The following COL22A1 variants were observed in gnomAD, a reference collection of about 807,000 sequenced individuals.
COL22A1 encodes collagen type XXII alpha 1 chain, also known as collagen alpha-1(XXII) chain.
In COL22A1, 221 loss-of-function variants were observed where a neutral mutation model predicts 248.9. That is an observed-to-expected ratio of 0.89 (90% CI 0.80 to 0.99). COL22A1 has a LOEUF of 0.99. Ranked by LOEUF, COL22A1 falls within the 50% of genes least tolerant of loss-of-function variation. COL22A1 has a pLI of 0.00. For missense variants in COL22A1, 2,240 were observed against 2,179.0 expected, an observed-to-expected ratio of 1.03 and a Z score of -0.56; for synonymous variants, 891 against 793.4, an observed-to-expected ratio of 1.12 and a Z score of -2.07.
chr8:138,800,351 T>C (rs1054277442), intron 11 of COL22A1, among the ~76,000 whole-genome samples: 15 of 152,328 alleles, frequency 9.8e-5, no homozygotes, highest in Admixed American at 9.1e-4. Flanking sequence ...CTGCCAAGAA[T>C]TTAGGCTCTG....
chr8:138,644,837 T>C (rs1822052037), intron 47 of COL22A1, among the ~76,000 whole-genome samples: 1 of 152,154 alleles, frequency 6.6e-6, no homozygotes, highest in Non-Finnish European at 1.5e-5. Flanking sequence ...TACCCTTCCC[T>C]TGAGGCACTT....
At chr8:138,806,220 G>C (rs1472133493) in intron 10 of COL22A1, among the ~76,000 whole-genome samples, 3 of 127,384 alleles carry the variant, frequency 2.4e-5, no homozygotes, top group African/African-American at 8.7e-5. Context: ...GTGTATGTGT[G>C]ATGGGGTATG....
chr8:138,854,345 C>G (rs1442098326), intron 3 of COL22A1, among the ~76,000 whole-genome samples: 4 of 152,198 alleles, frequency 2.6e-5, no homozygotes, highest in Non-Finnish European at 5.9e-5. Context: ...AGCCTCTGCC[C>G]TCCTGAAGCC....
At chr8:138,617,044 C>G in intron 53 of COL22A1, 86 bp from the exon 54 acceptor site, 1 of 1,360,596 alleles carries the variant, frequency 7.3e-7, no homozygotes, top group Non-Finnish European at 1.1e-6. Flanking sequence ...CCGGCTTTGA[C>G]CCACGTTGCC....
rs531336888 is a variant in COL22A1 at position 138,898,188 on chromosome 8, G to A, written c.-72-14944C>T. Among the ~76,000 whole-genome samples, 5 of 152,250 alleles carry A rather than the reference G, an allele frequency of 3.3e-5. No homozygotes were observed. In the South Asian group the frequency reaches 1.0e-3, roughly 32 times the overall value. ...GGACACATTCAGTCTACAGCAGATA[G>A]GAATCAAGTTAAAGAACAGAACTGC... is the stretch of plus-strand genomic sequence containing the variant. On this transcript the variant is annotated intron_variant, in intron 1 of 64. Coordinates refer to ENST00000303045, the MANE Select transcript of COL22A1 (RefSeq NM_152888.3).
intron 47 of COL22A1, among the ~76,000 whole-genome samples, chr8:138,642,855 C>A (rs1159981089): frequency 6.6e-6 from 1 of 152,022 alleles, no homozygotes; most frequent in Non-Finnish European, 1.5e-5. Flanking sequence ...ATGGTGAAAC[C>A]CCATCTCTAC....
At position 138,786,631 on chromosome 8, in the gene COL22A1, C is replaced by T. The variant is rs143768888; in HGVS notation, c.1597-5651G>A. Among the ~76,000 whole-genome samples, 381 of 152,270 alleles carry T rather than the reference C, an allele frequency of 2.5e-3. 5 individuals are homozygous for T. Among genetic ancestry groups the T allele is most frequent in the African/African-American group, 8.7e-3 (363 of 41,568 alleles). On this transcript the variant is annotated intron_variant, in intron 12 of 64. Coordinates refer to ENST00000303045, the MANE Select transcript of COL22A1 (RefSeq NM_152888.3). ...TTTGAAATGAGAAAGTTAGGCTGGG[C>T]ACAGTGGCTCACGCTTGTAATCCCA...
chr8:138,900,344 G>A (rs887921134), intron 1 of COL22A1, among the ~76,000 whole-genome samples: 52 of 152,168 alleles, frequency 3.4e-4, no homozygotes, highest in African/African-American at 1.2e-3. Context: ...TTTGCCTCCT[G>A]TCCACTCAGA....
Position 138,821,381 on chromosome 8 carries a change from C to T in COL22A1, c.1000G>A (p.Ala334Thr), listed in dbSNP as rs141117761. 72 of 1,613,738 alleles carry T rather than the reference C, an allele frequency of 4.5e-5. No homozygotes were observed. Among genetic ancestry groups the T allele is most frequent in the East Asian group, 2.7e-4 (12 of 44,852 alleles). ...GCACCCACAGCGTTGTACTCGACTGCCTTGTTTTCACCATCCAGCCGGATG... is the reference window on the plus strand; with the variant it reads ...GCACCCACAGCGTTGTACTCGACTGTCTTGTTTTCACCATCCAGCCGGATG... Reference protein sequence around the residue: ...VSIRLDGENKAVEYNAVGAMK... With the variant: ...VSIRLDGENKTVEYNAVGAMK... Residue 334 changes from alanine to threonine, a missense_variant, in exon 7 of 65, where the codon GCA (alanine) becomes ACA (threonine). Coordinates refer to ENST00000303045, the MANE Select transcript of COL22A1 (RefSeq NM_152888.3).
intron 45 of COL22A1, 48 bp from the exon 46 acceptor site, chr8:138,649,826 T>C (rs1822539400): frequency 8.1e-7 from 1 of 1,227,920 alleles, no homozygotes; most frequent in South Asian, 1.5e-5. Context: ...AACTAGCAAA[T>C]ACAGTTTCAA....
At chr8:138,736,027 C>T (rs927886972) in intron 23 of COL22A1, among the ~76,000 whole-genome samples, 4 of 152,100 alleles carry the variant, frequency 2.6e-5, no homozygotes, top group African/African-American at 4.8e-5. Flanking sequence ...TGACTTGTGC[C>T]CACCTGCTTG....
chr8:138,676,593 G>A lies in COL22A1; in HGVS notation c.3115C>T (p.Arg1039Cys), dbSNP rs138965074. The A allele has an allele frequency of 2.1e-4, 322 of 1,568,896 alleles. No homozygotes were observed. In the African/African-American group the frequency reaches 3.6e-3, roughly 17 times the overall value. Residue 1039 changes from arginine (R) to cysteine (C), a missense_variant, in exon 41 of 65, where the codon CGT (arginine) becomes TGT (cysteine). By Grantham distance (180) the Arg-to-Cys change is radical. Coordinates refer to ENST00000303045, the MANE Select transcript of COL22A1 (RefSeq NM_152888.3). The part of the protein sequence containing the change: ...APGIPGSPGS[R>C]GDPGIGVAGP... ...GCAACCCCAATGCCTGGGTCACCAC[G>A]GCTGCCAGGAGAACCAGGGATCCCA...
At chr8:138,666,316 G>A (rs1358676663) in intron 41 of COL22A1, among the ~76,000 whole-genome samples, 3 of 152,124 alleles carry the variant, frequency 2.0e-5, no homozygotes, top group Non-Finnish European at 4.4e-5. Context: ...AAACAAAGGG[G>A]ACTTCCAGCT....
At chr8:138,762,593 C>CA in intron 16 of COL22A1, 127 bp from the exon 17 acceptor site, 1 of 633,736 alleles carries the variant, frequency 1.6e-6, no homozygotes, top group Non-Finnish European at 2.8e-6. Context: ...CACGTGCACA[C>CA]ACACACACAC....
intron 3 of COL22A1, among the ~76,000 whole-genome samples, chr8:138,861,613 G>T (rs980701841): frequency 5.9e-5 from 9 of 152,156 alleles, no homozygotes; most frequent in African/African-American, 2.2e-4. Flanking sequence ...TTGCTGCTTT[G>T]GGGTTGGACC....
At chr8:138,696,015 C>T (rs1037624288) in intron 32 of COL22A1, among the ~76,000 whole-genome samples, 3 of 152,222 alleles carry the variant, frequency 2.0e-5, no homozygotes, top group East Asian at 3.9e-4. Flanking sequence ...GTTACCCATA[C>T]GGACCCCATA....
At chr8:138,700,829 C>CA (rs1827899837) in intron 31 of COL22A1, among the ~76,000 whole-genome samples, 1 of 151,994 alleles carries the variant, frequency 6.6e-6, no homozygotes, top group Non-Finnish European at 1.5e-5. Flanking sequence ...CTAAAAAATA[C>CA]AAAAAATTAG....
chr8:138,909,375 C>CT (rs57916926), intron 1 of COL22A1, among the ~76,000 whole-genome samples: 3,020 of 142,600 alleles, frequency 0.021, 95 homozygotes, highest in African/African-American at 0.066. Flanking sequence ...GCTGACTTGC[C>CT]TTTTTTTTTT....
At chr8:138,716,467 G>A (rs1829439564) in intron 28 of COL22A1, among the ~76,000 whole-genome samples, 178 bp from the exon 29 acceptor site, 1 of 152,082 alleles carries the variant, frequency 6.6e-6, no homozygotes, top group East Asian at 1.9e-4. Flanking sequence ...CGTTCACTAG[G>A]GCATCCCCAA....
Sources: allele counts gnomAD v4.1 joint callset (sites outside exome capture counted in the v4.1 genomes callset), GRCh38; gene constraint gnomAD v4.1.1; transcripts MANE v1.5; gene names NCBI Gene and HGNC (gene_info 2026-07-23, HGNC 2026-07-21).